Variants in ABCC8 observed in about 807,000 individuals in gnomAD.
ABCC8 encodes ATP-binding cassette sub-family C member 8.
A neutral mutation model predicts 188.0 loss-of-function variants in ABCC8; 137 were observed. The observed-to-expected ratio is 0.73, with a 90% CI of 0.63 to 0.84. The LOEUF (loss-of-function observed/expected upper bound fraction) is 0.84, where lower values mean the gene tolerates loss of function less well. Among genes scored for constraint, ABCC8 ranks in the 40% least tolerant of loss-of-function variants. ABCC8 has a pLI of 0.00. For synonymous variants in ABCC8, 797 were observed against 846.5 expected, an observed-to-expected ratio of 0.94 and a Z score of 1.01; for missense variants, 1,750 against 2,072.7, an observed-to-expected ratio of 0.84 and a Z score of 3.02.
Position 17,412,754 on chromosome 11 carries a change from C to A in ABCC8, c.2476-8G>T. ...ACCAGACAGGTTGATGCCCTGTCAC[C>A]AAAGAGGAGGAACACATCATGCCCT... On this transcript the variant is annotated splice_region_variant and splice_polypyrimidine_tract_variant and intron_variant, in intron 20 of 38. Coordinates refer to ENST00000389817, the MANE Select transcript of ABCC8 (RefSeq NM_000352.6). The A allele has an allele frequency of 6.2e-7, 1 of 1,605,336 alleles. No individual in the cohort carries two copies. Among genetic ancestry groups the A allele is most frequent in the Non-Finnish European group, 8.5e-7 (1 of 1,175,946 alleles).
At chr11:17,435,829 A>G in intron 10 of ABCC8, 1 of 1,255,978 alleles carries the variant, frequency 8.0e-7, no homozygotes, top group Non-Finnish European at 1.2e-6. Flanking sequence ...GATGAGTGCA[A>G]ACTTAGCTGT....
chr11:17,414,369 A>G, intron 19 of ABCC8, 143 bp downstream of exon 19: 1 of 1,178,366 alleles, frequency 8.5e-7, no homozygotes, highest in Non-Finnish European at 1.3e-6. Flanking sequence ...GGTGCACCAT[A>G]TGGAGAGGCT....
At chr11:17,470,682 C>T (rs996358416) in intron 2 of ABCC8, among the ~76,000 whole-genome samples, 19 of 152,226 alleles carry the variant, frequency 1.2e-4, no homozygotes, top group African/African-American at 4.6e-4. Context: ...TAAACCCCAT[C>T]GAGTGGGTAC....
chr11:17,430,795 G>A lies in ABCC8; in HGVS notation c.1817+19C>T, dbSNP rs376648638. The A allele has an allele frequency of 1.9e-5, 31 of 1,612,908 alleles. No individual in the cohort carries two copies. The highest frequency in any genetic ancestry group is 6.7e-5 in the African/African-American group (5 of 74,886). On this transcript the variant is annotated intron_variant, in intron 12 of 38. Coordinates refer to ENST00000389817, the MANE Select transcript of ABCC8 (RefSeq NM_000352.6). ...CAGGACCTGCCTGCCCAGTGCCCTC[G>A]CCCGGACCCTCCCCTCACCTCACTA...
chr11:17,462,003 G>A (rs1957211909), intron 4 of ABCC8, 178 bp from the exon 5 acceptor site: 1 of 708,480 alleles, frequency 1.4e-6, no homozygotes, highest in Non-Finnish European at 1.7e-6. Flanking sequence ...GGCCACCAAT[G>A]TCAGGGCATC....
rs1554943599 is a variant in ABCC8 at position 17,463,493 on chromosome 11, A to T, written c.524T>A (p.Leu175Gln). 3.7e-6 allele frequency: 6 copies of T among 1,604,450 alleles called. No homozygotes were observed. Among genetic ancestry groups the T allele is most frequent in the Non-Finnish European group, 4.3e-6 (5 of 1,175,830 alleles). ...GAGCAGCATCCCATAGAGGATCACC[A>T]GCAGCCCTGTGAGGCAGAAGCGTAG... is the stretch of plus-strand genomic sequence containing the variant. ...SQLRFCLTGL[L>Q]VILYGMLLLV... The change falls in exon 4 of 39, where the codon CTG (leucine) becomes CAG (glutamine). Residue 175 changes from leucine to glutamine, a missense_variant. Leu to Gln is a moderately radical substitution (Grantham distance 113). Coordinates refer to ENST00000389817, the MANE Select transcript of ABCC8 (RefSeq NM_000352.6).
In ABCC8 at chr11:17,461,738, T is replaced by G; in HGVS notation, c.667A>C (p.Asn223His). The G allele has an allele frequency of 1.2e-6, 2 of 1,614,150 alleles. No homozygotes were observed. The highest frequency in any genetic ancestry group is 1.7e-6 in the Non-Finnish European group (2 of 1,180,036). The change falls in exon 5 of 39, where the codon AAT (asparagine) becomes CAT (histidine). Residue 223 changes from asparagine to histidine, a missense_variant. Asn to His is a moderately conservative substitution (Grantham distance 68). Transcript: ENST00000389817. ...LGVRFLQPFV[N>H]LLSKGTYWWM... ...CAGTAGGTGCCTTTGGACAGCAGAT[T>G]CACGAAGGGCTGCAGGAAGCGTACC...
In ABCC8 at chr11:17,407,275, C is replaced by T. The variant is rs184242762; in HGVS notation, c.2920+79G>A. 1.7e-4 allele frequency: 274 copies of T among 1,612,564 alleles called. 1 individual carries two copies. The Admixed American group carries it at 4.0e-3, about 23-fold the overall frequency. ...TCAAAGGCACACTACTGCACCACAC[C>T]CAGAACCCCAAACCTTAGCCTCTCT... is the stretch of plus-strand genomic sequence containing the variant. On this transcript the variant is annotated intron_variant, in intron 24 of 38. Transcript: ENST00000389817.
At chr11:17,475,117 G>C in intron 1 of ABCC8, 90 bp from the exon 2 acceptor site, 1 of 1,567,350 alleles carries the variant, frequency 6.4e-7, no homozygotes, top group South Asian at 1.2e-5. Context: ...TGGGCATTGG[G>C]TCCATGGTGA....
At chr11:17,400,309 T>C (rs1954170734) in intron 29 of ABCC8, among the ~76,000 whole-genome samples, 2 of 152,078 alleles carry the variant, frequency 1.3e-5, no homozygotes, top group African/African-American at 4.8e-5. Flanking sequence ...AAGTGCGTGT[T>C]GAAAATGTGT....
At chr11:17,436,066 T>C (rs2133569956) in intron 10 of ABCC8, 1 of 943,382 alleles carries the variant, frequency 1.1e-6, no homozygotes, top group Non-Finnish European at 1.8e-6. Flanking sequence ...CCAGAACTGC[T>C]CCATCTCTTC....
intron 29 of ABCC8, 200 bp from the exon 30 acceptor site, chr11:17,398,641 T>C (rs980691952): frequency 2.5e-5 from 13 of 516,536 alleles, no homozygotes; most frequent in Non-Finnish European, 3.0e-5. Context: ...AATCCCCACC[T>C]CCTCCAAACT....
Position 17,408,520 on chromosome 11 carries a change from G to T in ABCC8, c.2695-3C>A. On this transcript the variant is annotated splice_region_variant and splice_polypyrimidine_tract_variant and intron_variant, in intron 22 of 38. Transcript: ENST00000389817. Reference sequence around the variant, plus strand: ...GTGCCATCCTTCATGGCAATGATCTGGAAAGGCAGCAACAAACGTGGTTTG... The same window carrying T: ...GTGCCATCCTTCATGGCAATGATCTTGAAAGGCAGCAACAAACGTGGTTTG... 1 of 1,609,092 alleles carries T rather than the reference G, an allele frequency of 6.2e-7. No individual in the cohort carries two copies. The highest frequency in any genetic ancestry group is 2.2e-5 in the East Asian group (1 of 44,832).
rs751826777 is a variant in ABCC8, at chr11:17,415,329, C to A, written c.2266G>T (p.Glu756Ter). 3 of 1,610,742 alleles carry A rather than the reference C, an allele frequency of 1.9e-6. No individual in the cohort carries two copies. Among genetic ancestry groups the A allele is most frequent in the Non-Finnish European group, 2.5e-6 (3 of 1,179,048 alleles). Residue 756 changes from glutamate (E) to a stop codon, truncating the protein, a stop_gained, in exon 18 of 39, where the codon GAG becomes TAG. Transcript: ENST00000389817. LOFTEE classifies it high-confidence loss of function. ...CTGATATCCAAGTCGGTCGCTGTCT[C>A]CCGCTCTGGGCTGCAGCAGGGGAGG... ...EIGEDPSPER[E>*]TATDLDIRKR... is the part of the protein sequence containing the mutation.
chr11:17,427,079 T>G lies in ABCC8; in HGVS notation c.2192A>C (p.Gln731Pro). The G allele has an allele frequency of 6.2e-7, 1 of 1,614,000 alleles. No homozygotes were observed. Among genetic ancestry groups the G allele is most frequent in the East Asian group, 2.2e-5 (1 of 44,872 alleles). ...CCAGAAGACAGCCCCTGAGACCTTC[T>G]GCATCTCCCCCAGTGCGGCTAGAAG... is the stretch of plus-strand genomic sequence containing the variant. ...SLLLAALGEM[Q>P]KVSGAVFWSS... Residue 731 changes from glutamine to proline, a missense_variant, in exon 16 of 39, where the codon CAG (glutamine) becomes CCG (proline). Coordinates refer to ENST00000389817, the MANE Select transcript of ABCC8 (RefSeq NM_000352.6). This position sits in a 1 kb window ranked among gnomAD's most constrained non-coding sequence, Gnocchi z 5.0.
chr11:17,467,232 AG>A (rs1848222747), intron 3 of ABCC8, among the ~76,000 whole-genome samples: 1 of 152,214 alleles, frequency 6.6e-6, no homozygotes, highest in African/African-American at 2.4e-5. Context: ...CATGGTCAAC[AG>A]GGTGAAATCC....
chr11:17,403,886 G>C (rs1954372082), intron 28 of ABCC8, among the ~76,000 whole-genome samples: 1 of 152,104 alleles, frequency 6.6e-6, no homozygotes, highest in South Asian at 2.1e-4. Context: ...TGGCCTAGAC[G>C]TTCTTTAAAT....
chr11:17,458,569 G>A (rs559421130), intron 6 of ABCC8, among the ~76,000 whole-genome samples: 9 of 152,194 alleles, frequency 5.9e-5, no homozygotes, highest in Non-Finnish European at 1.3e-4. Flanking sequence ...ATCGCCAATG[G>A]GGGTATTCTG....
intron 37 of ABCC8, 42 bp downstream of exon 37, chr11:17,394,224 C>T: frequency 6.2e-7 from 1 of 1,605,932 alleles, no homozygotes; most frequent in Non-Finnish European, 8.5e-7. Flanking sequence ...CCCACTAAAC[C>T]CTTTCCAAGA....
Sources: gnomAD v4.1 joint callset for allele counts (sites outside exome capture counted in the v4.1 genomes callset) on GRCh38, gnomAD v4.1.1 for gene constraint, Gnocchi (gnomAD v3.1) non-coding constraint, MANE v1.5 for transcripts, NCBI Gene and HGNC (gene_info 2026-07-23, HGNC 2026-07-21) for gene names.